PTBP2: variants seen among roughly 807,000 people sequenced by gnomAD.
PTBP2 encodes polypyrimidine tract-binding protein 2.
Under a neutral mutation model 61.4 loss-of-function variants are expected in PTBP2, and 13 were observed. The ratio of observed to expected loss-of-function variants is 0.21; its 90% CI spans 0.14 to 0.34. The LOEUF (loss-of-function observed/expected upper bound fraction) is 0.34, where lower values mean the gene tolerates loss of function less well. Ranked by LOEUF, PTBP2 falls within the 10% of genes least tolerant of loss-of-function variation. PTBP2 has a pLI of 1.00. For synonymous variants in PTBP2, 215 were observed against 218.5 expected, an observed-to-expected ratio of 0.98 and a Z score of 0.14; for missense variants, 405 against 642.6, an observed-to-expected ratio of 0.63 and a Z score of 4.00.
Position 96,777,648 on chromosome 1 carries a change from A to T in PTBP2, c.496A>T (p.Thr166Ser). ...GACAGCAAATACTCCTCTTAGTGGC[A>T]CCACAGTTAGCGAGAGTGCAGTGAC... ...VQTANTPLSG[T>S]TVSESAVTPA... The change falls in exon 6 of 14, where the codon ACC becomes TCC. Residue 166 changes from threonine (T) to serine (S), a missense_variant. Transcript: ENST00000674951. The T allele has an allele frequency of 6.2e-7, 1 of 1,613,654 alleles. No individual in the cohort carries two copies. Among genetic ancestry groups the T allele is most frequent in the Non-Finnish European group, 8.5e-7 (1 of 1,179,670 alleles).
Position 96,814,915 on chromosome 1 carries a change from T to TCTCTCTC in PTBP2, c.*1515_*1521dup, listed in dbSNP as rs1414994988. On this transcript the variant is annotated 3_prime_UTR_variant, in exon 14 of 14. Transcript: ENST00000674951. ...TTTTCTGTCTTTCTCTGCTGCCTTT[T>TCTCTCTC]CTCTCTCCTCTTCTTTGTTTTCACT... The TCTCTCTC allele has an allele frequency of 6.6e-6, 1 of 152,640 alleles. No homozygotes were observed. The highest frequency in any genetic ancestry group is 1.9e-4 in the East Asian group (1 of 5,194). 9.5% of individuals were successfully genotyped at this position (152,640 alleles called of 1,614,324 possible).
chr1:96,814,312 A>G lies in PTBP2; in HGVS notation c.*907A>G, dbSNP rs542892034. 4 of 152,650 alleles carry G rather than the reference A, an allele frequency of 2.6e-5. No homozygotes were observed. The highest frequency in any genetic ancestry group is 2.1e-4 in the South Asian group (1 of 4,826). 9.5% of individuals were successfully genotyped at this position (152,650 alleles called of 1,614,324 possible). ...GGAATATGGTTGTGGATTTCTGAGC[A>G]TGTGCAGACTGGTCTAGCTAGTTCA... On this transcript the variant is annotated 3_prime_UTR_variant, in exon 14 of 14. Transcript: ENST00000674951.
intron 3 of PTBP2, among the ~76,000 whole-genome samples, chr1:96,756,050 C>G (rs1655120561): frequency 6.6e-6 from 1 of 152,186 alleles, no homozygotes; most frequent in Non-Finnish European, 1.5e-5. Flanking sequence ...TCACTTACTG[C>G]TCAGTGGAAT....
At chr1:96,760,310 C>T (rs1426933827) in intron 3 of PTBP2, among the ~76,000 whole-genome samples, 4 of 151,866 alleles carry the variant, frequency 2.6e-5, no homozygotes, top group Non-Finnish European at 4.4e-5. Context: ...AAGTCAAAAC[C>T]ATTAGAGATA....
At chr1:96,725,813 G>T (rs1003813407) in intron 2 of PTBP2, among the ~76,000 whole-genome samples, 1 of 151,582 alleles carries the variant, frequency 6.6e-6, no homozygotes, top group Non-Finnish European at 1.5e-5. Flanking sequence ...GGCGCGGTGG[G>T]TCACACCTGT....
In PTBP2 at chr1:96,813,014, A is replaced by T. The variant is rs201945838; in HGVS notation, c.1389-15A>T. On this transcript the variant is annotated splice_polypyrimidine_tract_variant and intron_variant, in intron 12 of 13. Transcript: ENST00000674951. ...TTCTTAATCTTCACTTTTTCTTCCCATTCAATTTTCCTAGTCCATCAGTAG... is the reference window on the plus strand; with the variant it reads ...TTCTTAATCTTCACTTTTTCTTCCCTTTCAATTTTCCTAGTCCATCAGTAG... The T allele has an allele frequency of 1.2e-6, 2 of 1,607,438 alleles. No individual in the cohort carries two copies. The highest frequency in any genetic ancestry group is 2.7e-5 in the African/African-American group (2 of 74,728).
At position 96,767,177 on chromosome 1, in the gene PTBP2, G is replaced by A. The variant is rs116421505; in HGVS notation, c.116-2526G>A. On this transcript the variant is annotated intron_variant, in intron 3 of 13. Coordinates refer to ENST00000674951, the MANE Select transcript of PTBP2 (RefSeq NM_021190.4). The stretch of plus-strand genomic sequence containing the variant: ...CAGAAGTTTCCTACGTTCTTTCTGT[G>A]TTATTCAGCTATTTTACTTCTGCTT... Among the ~76,000 whole-genome samples, 1,064 of 152,152 alleles carry A rather than the reference G, an allele frequency of 7.0e-3. 4 individuals are homozygous for A. The highest frequency in any genetic ancestry group is 0.012 in the Non-Finnish European group (825 of 67,956).
chr1:96,774,923 T>C (rs1031278456), intron 5 of PTBP2, among the ~76,000 whole-genome samples: 7 of 152,178 alleles, frequency 4.6e-5, no homozygotes, highest in Non-Finnish European at 7.4e-5. Context: ...ACCTGGCATG[T>C]TTTCTCTTGA....
Position 96,813,661 on chromosome 1 carries a change from C to CTTTT in PTBP2, c.*274_*277dup, listed in dbSNP as rs66475516. 2.8e-3 allele frequency: 338 copies of CTTTT among 122,246 alleles called. 5 individuals carry two copies. The highest frequency in any genetic ancestry group is 5.1e-3 in the Middle Eastern group (1 of 198). The allele number at this position is 122,246 out of a possible 1,614,324, so 7.6% of individuals were successfully genotyped here. On this transcript the variant is annotated 3_prime_UTR_variant, in exon 14 of 14. Transcript: ENST00000674951. ...TGTTTAAAATTTCAGTTTAATTTTG[C>CTTTT]TTTTTTTTTTTTTTTTTTTTTCCTT...
chr1:96,741,523 A>G (rs1252697181), intron 2 of PTBP2, among the ~76,000 whole-genome samples: 2 of 152,036 alleles, frequency 1.3e-5, no homozygotes, highest in Non-Finnish European at 2.9e-5. Flanking sequence ...TGGCCTCCTA[A>G]AGTGCTGAGA....
chr1:96,804,745 T>C, intron 8 of PTBP2, 55 bp from the exon 9 acceptor site: 3 of 1,533,864 alleles, frequency 2.0e-6, no homozygotes, highest in Non-Finnish European at 1.8e-6. Context: ...TGTAAACGAC[T>C]TGTGTGTGTT....
chr1:96,785,295 C>G, intron 8 of PTBP2, 41 bp downstream of exon 8: 2 of 1,455,490 alleles, frequency 1.4e-6, no homozygotes, highest in South Asian at 1.4e-5. Flanking sequence ...TCCCATTTTG[C>G]CAAATGGAAA....
At chr1:96,772,225 A>G (rs1211683354) in intron 5 of PTBP2, among the ~76,000 whole-genome samples, 3 of 152,174 alleles carry the variant, frequency 2.0e-5, no homozygotes, top group East Asian at 3.9e-4. Flanking sequence ...AGCACACAGA[A>G]CTCAAGGAAA....
chr1:96,791,911 G>A (rs1379154366), intron 8 of PTBP2, among the ~76,000 whole-genome samples: 1 of 143,146 alleles, frequency 7.0e-6, no homozygotes, highest in Non-Finnish European at 1.5e-5. Context: ...TCGGCTCACT[G>A]CAAGCTCCGC....
At chr1:96,760,169 C>A (rs1350712188) in intron 3 of PTBP2, among the ~76,000 whole-genome samples, 1 of 149,552 alleles carries the variant, frequency 6.7e-6, no homozygotes, top group Non-Finnish European at 1.5e-5. Flanking sequence ...TCCCAAAGGA[C>A]TTGTAAAAAA....
At chr1:96,770,670 A>G in intron 4 of PTBP2, 38 bp from the exon 5 acceptor site, 1 of 1,537,914 alleles carries the variant, frequency 6.5e-7, no homozygotes, top group Non-Finnish European at 9.0e-7. Flanking sequence ...TTTTATTTGA[A>G]TTTATAGTAT....
rs2101182929 is a variant in PTBP2, at chr1:96,803,393, A to AT, written c.905-1406dup. Among the ~76,000 whole-genome samples, 3 of 152,156 alleles carry AT rather than the reference A, an allele frequency of 2.0e-5. No homozygotes were observed. The South Asian group carries it at 6.2e-4, about 32-fold the overall frequency. ...ATCTTCCAAAACAAAATGTATAGCC[A>AT]TAAAAAAAAGGGAGCAAAGTAAGAA... On this transcript the variant is annotated intron_variant, in intron 8 of 13. Coordinates refer to ENST00000674951, the MANE Select transcript of PTBP2 (RefSeq NM_021190.4).
intron 11 of PTBP2, among the ~76,000 whole-genome samples, chr1:96,809,127 T>C (rs1661784027): frequency 6.6e-6 from 1 of 152,154 alleles, no homozygotes; most frequent in Admixed American, 6.5e-5. Context: ...CCTCAAAATA[T>C]ATAAATAATA....
At chr1:96,815,352 T>A (rs568903539), downstream of PTBP2, 5 of 152,304 alleles carry the variant, frequency 3.3e-5, no homozygotes, top group Middle Eastern at 3.4e-3. Flanking sequence ...TTGATATTAC[T>A]GGGAAGAAAG....
Sources: gnomAD v4.1 joint callset for allele counts (sites outside exome capture counted in the v4.1 genomes callset) on GRCh38, gnomAD v4.1.1 for gene constraint, MANE v1.5 for transcripts, NCBI Gene and HGNC (gene_info 2026-07-23, HGNC 2026-07-21) for gene names.